PARD3B: variants seen among roughly 807,000 people sequenced by gnomAD.
PARD3B encodes the protein par-3 family cell polarity regulator beta.
PARD3B carries 103 observed loss-of-function variants against 130.2 expected under a neutral mutation model. The ratio of observed to expected loss-of-function variants is 0.79; its 90% CI spans 0.67 to 0.93. PARD3B has a LOEUF of 0.93. PARD3B is among the 40% of genes least tolerant of loss of function. The probability of loss-of-function intolerance (pLI) is 0.00; values close to 1 mark genes in which losing one functional copy is unlikely to be tolerated. For synonymous variants in PARD3B, 583 were observed against 553.2 expected (o/e 1.05, Z -0.76); for missense variants, 1,609 against 1,499.2 (o/e 1.07, Z -1.21).
intron 3 of PARD3B, among the ~76,000 whole-genome samples, chr2:205,046,057 T>G (rs2125408669): frequency 6.6e-6 from 1 of 152,304 alleles, no homozygotes; most frequent in East Asian, 1.9e-4. Flanking sequence ...TTCTTAATTT[T>G]AAAGATAATG....
intron 2 of PARD3B, among the ~76,000 whole-genome samples, chr2:204,706,163 C>T (rs925665693): frequency 3.3e-5 from 5 of 151,838 alleles, no homozygotes; most frequent in Non-Finnish European, 5.9e-5. Flanking sequence ...GTCAGGAGAT[C>T]GAGACCATGC....
intron 4 of PARD3B, among the ~76,000 whole-genome samples, chr2:205,087,039 C>G (rs193259025): frequency 1.5e-3 from 227 of 152,248 alleles, no homozygotes; most frequent in Middle Eastern, 3.4e-3. Context: ...GTGTGTTTAA[C>G]AGTTCATATT....
intron 19 of PARD3B, among the ~76,000 whole-genome samples, chr2:205,416,525 C>A (rs2046781629): frequency 6.6e-6 from 1 of 152,116 alleles, no homozygotes; most frequent in Admixed American, 6.6e-5. Flanking sequence ...AGGCACCATT[C>A]CTCCTCACAT....
In PARD3B at chr2:205,397,668, A is replaced by G. The variant is rs138123734; in HGVS notation, c.2631-3345A>G. On this transcript the variant is annotated intron_variant, in intron 18 of 22. Transcript: ENST00000406610. The surrounding 1 kb of genome is among the most constrained non-coding windows in gnomAD (Gnocchi z 4.8). ...AATATGGGACATGGAAAAAAAAGAA[A>G]AGCCTGATACCTGTAAAGCTTTTGG... is the stretch of plus-strand genomic sequence containing the variant. 0.021 allele frequency among the ~76,000 whole-genome samples: 3,169 copies of G among 152,256 alleles called. 44 individuals carry two copies. Among genetic ancestry groups the G allele is most frequent in the South Asian group, 0.031 (149 of 4,822 alleles).
chr2:205,194,962 T>TG (rs200507590), intron 15 of PARD3B, among the ~76,000 whole-genome samples: 61 of 144,950 alleles, frequency 4.2e-4, no homozygotes, highest in African/African-American at 1.5e-3. Context: ...TTTTTTTTTT[T>TG]TTTTTTTTGT....
intron 18 of PARD3B, among the ~76,000 whole-genome samples, chr2:205,371,626 A>T (rs849204): frequency 0.25 from 37,424 of 152,058 alleles, 5,983 homozygotes; most frequent in African/African-American, 0.46. Context: ...TTTCTTCCTT[A>T]GAAGATCCTG....
intron 22 of PARD3B, among the ~76,000 whole-genome samples, chr2:205,582,309 G>C (rs1051389459): frequency 1.3e-5 from 2 of 152,114 alleles, no homozygotes; most frequent in Admixed American, 6.6e-5. Flanking sequence ...TTACGTACTA[G>C]AGTCTCATAA....
Position 205,172,252 on chromosome 2 carries a change from T to C in PARD3B, c.1662T>C (p.Asn554=). 1 of 1,614,162 alleles carries C rather than the reference T, an allele frequency of 6.2e-7. No homozygotes were observed. Among genetic ancestry groups the C allele is most frequent in the East Asian group, 2.2e-5 (1 of 44,878 alleles). The change falls in exon 12 of 23, where the codon AAT becomes AAC. Residue 554 remains asparagine (N), a synonymous_variant. Transcript: ENST00000406610. Reference sequence around the variant, plus strand: ...TGAATGACCAGCTGATTGCAGTTAATGGGGAATCTCTTTTGGGAAAGTCCA... The same window carrying C: ...TGAATGACCAGCTGATTGCAGTTAACGGGGAATCTCTTTTGGGAAAGTCCA... ...LRMNDQLIAV[N]GESLLGKSNH...
chr2:205,279,360 C>T (rs2041100226), intron 16 of PARD3B, among the ~76,000 whole-genome samples: 1 of 152,142 alleles, frequency 6.6e-6, no homozygotes. Context: ...TTCTCACTGC[C>T]TCTGAGGCTA....
At chr2:205,403,241 C>T (rs2046313217) in intron 19 of PARD3B, among the ~76,000 whole-genome samples, 2 of 152,166 alleles carry the variant, frequency 1.3e-5, no homozygotes, top group South Asian at 4.1e-4. Context: ...AATAGATTTA[C>T]ATTAGCATAT....
chr2:205,028,532 C>A (rs1697194359), intron 3 of PARD3B, among the ~76,000 whole-genome samples: 1 of 152,092 alleles, frequency 6.6e-6, no homozygotes, highest in Non-Finnish European at 1.5e-5. Flanking sequence ...TTAACAGGAG[C>A]AGACTCATAG....
At chr2:205,003,383 T>G in intron 3 of PARD3B, among the ~76,000 whole-genome samples, 1 of 152,148 alleles carries the variant, frequency 6.6e-6, no homozygotes, top group Middle Eastern at 3.2e-3. Context: ...TTGGGGGTGG[T>G]TATTCTGCCT....
At chr2:205,501,489 G>A (rs1248785955) in intron 21 of PARD3B, among the ~76,000 whole-genome samples, 3 of 152,136 alleles carry the variant, frequency 2.0e-5, no homozygotes, top group Non-Finnish European at 2.9e-5. Context: ...GATCGAGATC[G>A]ATTTACTGCC....
chr2:205,594,235 C>T (rs2054490678), intron 22 of PARD3B, among the ~76,000 whole-genome samples: 1 of 152,202 alleles, frequency 6.6e-6, no homozygotes, highest in Non-Finnish European at 1.5e-5. Context: ...TGGGATATGA[C>T]CCAGTGTCCG....
At chr2:204,794,227 TAGAG>T (rs2042291089) in intron 2 of PARD3B, among the ~76,000 whole-genome samples, 1 of 152,226 alleles carries the variant, frequency 6.6e-6, no homozygotes, top group South Asian at 2.1e-4. Context: ...GATAGAGATT[TAGAG>T]AGACTTAAAT....
At chr2:205,594,554 G>A (rs1447697580) in intron 22 of PARD3B, among the ~76,000 whole-genome samples, 1 of 152,180 alleles carries the variant, frequency 6.6e-6, no homozygotes, top group African/African-American at 2.4e-5. Flanking sequence ...AGAGAAGCAG[G>A]TGGGAGCAGA....
intron 2 of PARD3B, among the ~76,000 whole-genome samples, chr2:204,734,376 C>G (rs113757777): frequency 6.6e-6 from 1 of 152,150 alleles, no homozygotes; most frequent in Non-Finnish European, 1.5e-5. Flanking sequence ...ATAAGTTAAA[C>G]CTGTGCTTAG....
At chr2:204,964,405 A>G (rs1161919339) in intron 2 of PARD3B, among the ~76,000 whole-genome samples, 6 of 152,230 alleles carry the variant, frequency 3.9e-5, no homozygotes, top group African/African-American at 9.6e-5. Flanking sequence ...TGACTTGGAA[A>G]TGAACAATTT....
intron 21 of PARD3B, among the ~76,000 whole-genome samples, chr2:205,519,018 T>C (rs1463743578): frequency 6.6e-6 from 1 of 152,158 alleles, no homozygotes; most frequent in Non-Finnish European, 1.5e-5. Flanking sequence ...GCTTTTAACA[T>C]TCTTTCTTTC....
Sources: allele counts gnomAD v4.1 joint callset (sites outside exome capture counted in the v4.1 genomes callset), GRCh38; gene constraint gnomAD v4.1.1; non-coding constraint Gnocchi (gnomAD v3.1); transcripts MANE v1.5; gene names NCBI Gene and HGNC (gene_info 2026-07-23, HGNC 2026-07-21).